The following MTHFD1 variants were observed in gnomAD, a reference collection of about 807,000 sequenced individuals.
The protein encoded by MTHFD1 is methylenetetrahydrofolate dehydrogenase, cyclohydrolase and formyltetrahydrofolate synthetase 1, also known as C-1-tetrahydrofolate synthase, cytoplasmic.
In MTHFD1, 44 loss-of-function variants were observed where a neutral mutation model predicts 110.3. The ratio of observed to expected loss-of-function variants is 0.40; its 90% CI spans 0.31 to 0.51. The LOEUF (loss-of-function observed/expected upper bound fraction) is 0.51, where lower values mean the gene tolerates loss of function less well. Ranked by LOEUF, MTHFD1 falls within the 20% of genes least tolerant of loss-of-function variation. MTHFD1 has a pLI of 0.60. For synonymous variants in MTHFD1, 402 were observed against 428.8 expected, an observed-to-expected ratio of 0.94 and a Z score of 0.77; for missense variants, 909 against 1,173.1, an observed-to-expected ratio of 0.77 and a Z score of 3.29.
rs1456143398 is a variant in MTHFD1 at position 64,439,172 on chromosome 14, G to A, written c.1674G>A (p.Thr558=). ...QAPTEKGHTR[T]AQFDISVASE... The stretch of plus-strand genomic sequence containing the variant: ...CAACGGAGAAGGGTCACACACGGAC[G>A]GTAACAATTTGTCCCTTTCCAAGGA... The change falls in exon 17 of 28, where the codon ACG becomes ACA. Residue 558 remains threonine (T), a splice_region_variant and synonymous_variant. Transcript: ENST00000652337. 7 of 1,612,070 alleles carry A rather than the reference G, an allele frequency of 4.3e-6. No homozygotes were observed. Among genetic ancestry groups the A allele is most frequent in the Admixed American group, 3.3e-5 (2 of 59,972 alleles).
At position 64,400,889 on chromosome 14, in the gene MTHFD1, G is replaced by A. The variant is rs1370167736; in HGVS notation, c.126+12G>A. 1 of 1,569,894 alleles carries A rather than the reference G, an allele frequency of 6.4e-7. No homozygotes were observed. Among genetic ancestry groups the A allele is most frequent in the South Asian group, 1.1e-5 (1 of 89,492 alleles). On this transcript the variant is annotated intron_variant, in intron 2 of 27. Coordinates refer to ENST00000652337, the MANE Select transcript of MTHFD1 (RefSeq NM_005956.4). ...TGGCAATATTACAGGTATTATGATA[G>A]TGTATTTTCATTAATGTTGTCTTTG...
Position 64,388,454 on chromosome 14 carries a change from G to T in MTHFD1, c.27G>T (p.Gly9=). The change falls in exon 1 of 28, where the codon GGG becomes GGT. Residue 9 remains glycine (G), a synonymous_variant. Transcript: ENST00000652337. MAPAEILN[G]KEISAQIRAR... Reference sequence around the variant, plus strand: ...TGGCGCCAGCAGAAATCCTGAACGGGAAGGAGATCTCCGCGTAAGCACCTG... The same window carrying T: ...TGGCGCCAGCAGAAATCCTGAACGGTAAGGAGATCTCCGCGTAAGCACCTG... The T allele has an allele frequency of 6.2e-7, 1 of 1,613,990 alleles. No individual in the cohort carries two copies. Among genetic ancestry groups the T allele is most frequent in the Non-Finnish European group, 8.5e-7 (1 of 1,180,000 alleles).
At chr14:64,411,172 A>G (rs781332569) in intron 3 of MTHFD1, 23 bp downstream of exon 3, 12 of 1,600,576 alleles carry the variant, frequency 7.5e-6, no homozygotes, top group Non-Finnish European at 1.0e-5. Context: ...GAGCTGTGCC[A>G]TCACCCTCCC....
chr14:64,458,166 C>A, intron 26 of MTHFD1, 48 bp from the exon 27 acceptor site: 1 of 1,411,386 alleles, frequency 7.1e-7, no homozygotes, highest in Non-Finnish European at 1.0e-6. Flanking sequence ...TAGGCGTGAG[C>A]CACTGTGCCC....
At chr14:64,448,387 T>C in intron 23 of MTHFD1, 70 bp downstream of exon 23, 1 of 1,199,962 alleles carries the variant, frequency 8.3e-7, no homozygotes, top group Non-Finnish European at 1.2e-6. Context: ...CAGCACTGCT[T>C]TTAGCTTTAT....
intron 1 of MTHFD1, among the ~76,000 whole-genome samples, chr14:64,399,733 T>G (rs545130478): frequency 4.3e-4 from 65 of 152,116 alleles, no homozygotes; most frequent in Non-Finnish European, 8.8e-4. Context: ...GGGAAGTTCC[T>G]GTACATATTA....
chr14:64,455,772 C>T lies in MTHFD1; in HGVS notation c.2718+897C>T, dbSNP rs559289368. On this transcript the variant is annotated intron_variant, in intron 26 of 27. Transcript: ENST00000652337. ...GACATTAGAGCTGAATTCATTTTCA[C>T]CTCTTCAGATCTTGGCCTTGGGCAA... 1.2e-4 allele frequency among the ~76,000 whole-genome samples: 18 copies of T among 152,318 alleles called. No homozygotes were observed. The East Asian group carries it at 3.3e-3, about 28-fold the overall frequency.
At chr14:64,397,031 G>A (rs1253406374) in intron 1 of MTHFD1, among the ~76,000 whole-genome samples, 2 of 132,482 alleles carry the variant, frequency 1.5e-5, no homozygotes, top group Non-Finnish European at 3.2e-5. Flanking sequence ...CTTGAACCCG[G>A]GAGGCGGAGC....
At chr14:64,453,400 C>T (rs1189896533) in intron 24 of MTHFD1, among the ~76,000 whole-genome samples, 1 of 151,936 alleles carries the variant, frequency 6.6e-6, no homozygotes, top group Non-Finnish European at 1.5e-5. Context: ...GGAGAAACTC[C>T]GTCTCTACTA....
At chr14:64,410,709 T>G (rs552588686) in intron 2 of MTHFD1, among the ~76,000 whole-genome samples, 5 of 152,324 alleles carry the variant, frequency 3.3e-5, no homozygotes, top group African/African-American at 9.6e-5. Context: ...CTCCTGCCTC[T>G]CAGGCATTTT....
Position 64,442,291 on chromosome 14 carries a change from T to C in MTHFD1, c.2025T>C (p.Ile675=), listed in dbSNP as rs373481537. 1 of 1,614,096 alleles carries C rather than the reference T, an allele frequency of 6.2e-7. No individual in the cohort carries two copies. The highest frequency in any genetic ancestry group is 1.3e-5 in the African/African-American group (1 of 74,928). ...VVTEAGFGAD[I]GMEKFFNIKC... Reference sequence around the variant, plus strand: ...CGGAAGCAGGATTTGGAGCAGACATTGGAATGGAAAAGTTTTTTAACATCA... The same window carrying C: ...CGGAAGCAGGATTTGGAGCAGACATCGGAATGGAAAAGTTTTTTAACATCA... The change falls in exon 21 of 28, where the codon ATT becomes ATC. Residue 675 remains isoleucine (I), a synonymous_variant. Transcript: ENST00000652337.
At chr14:64,392,769 G>T (rs778862687) in intron 1 of MTHFD1, among the ~76,000 whole-genome samples, 5 of 152,150 alleles carry the variant, frequency 3.3e-5, no homozygotes, top group Non-Finnish European at 5.9e-5. Context: ...TACCTATAAA[G>T]CATTTAGAGA....
rs901578469 is a variant in MTHFD1, at chr14:64,433,488, T to G, written c.1494+1627T>G. Among the ~76,000 whole-genome samples, 2 of 152,178 alleles carry G rather than the reference T, an allele frequency of 1.3e-5. 1 individual carries two copies. Among genetic ancestry groups the G allele is most frequent in the South Asian group, 4.1e-4 (2 of 4,820 alleles). On this transcript the variant is annotated intron_variant, in intron 15 of 27. Transcript: ENST00000652337. ...GCTGGAGTGCCGTGGTGCAATCACATCTTACTACAGCCTCAACCTCCAGGA... is the reference window on the plus strand; with the variant it reads ...GCTGGAGTGCCGTGGTGCAATCACAGCTTACTACAGCCTCAACCTCCAGGA...
chr14:64,397,164 TATATATATATATATATATATATATATA>T lies in MTHFD1; in HGVS notation c.42-3627_42-3601del, dbSNP rs1405539751. ...ATATATATATATATATATATATATATATATATATATATATATATATATATATAAAAAACAGTAATCTATTGGGGCAGG... is the reference window on the plus strand; with the variant it reads ...ATATATATATATATATATATATATATAAAAACAGTAATCTATTGGGGCAGG... On this transcript the variant is annotated intron_variant, in intron 1 of 27. Transcript: ENST00000652337. 2.8e-3 allele frequency among the ~76,000 whole-genome samples: 44 copies of T among 15,754 alleles called. 2 individuals carry two copies. Among genetic ancestry groups the T allele is most frequent in the African/African-American group, 4.7e-3 (14 of 2,956 alleles). The allele number at this position is 15,754 out of a possible 152,430, so 10.3% of individuals were successfully genotyped here. A position where few individuals can be genotyped will look rare whatever the true frequency, so the allele number is the denominator to read the frequency against.
intron 12 of MTHFD1, among the ~76,000 whole-genome samples, chr14:64,428,901 C>T (rs1295137546): frequency 1.3e-5 from 2 of 152,126 alleles, no homozygotes; most frequent in Admixed American, 6.6e-5. Flanking sequence ...TGCTCTTGAG[C>T]TTGTCTTAAC....
rs147297300 is a variant in MTHFD1 at position 64,433,414 on chromosome 14, C to T, written c.1494+1553C>T. 2.2e-3 allele frequency among the ~76,000 whole-genome samples: 336 copies of T among 151,630 alleles called. 2 individuals carry two copies. The highest frequency in any genetic ancestry group is 7.8e-3 in the African/African-American group (321 of 41,368). ...GATTACAGGCGTGAGCCACTGTACC[C>T]GGCCTGTTTGTTTATGTTTTTGAGA... On this transcript the variant is annotated intron_variant, in intron 15 of 27. Transcript: ENST00000652337.
intron 4 of MTHFD1, 100 bp downstream of exon 4, chr14:64,412,625 C>A: frequency 3.9e-6 from 3 of 775,820 alleles, no homozygotes; most frequent in African/African-American, 1.9e-5. Context: ...TTAGCCAAGA[C>A]CTCCAGGTAT....
intron 18 of MTHFD1, 34 bp from the exon 19 acceptor site, chr14:64,441,351 G>A: frequency 3.7e-6 from 6 of 1,607,462 alleles, no homozygotes; most frequent in Non-Finnish European, 5.1e-6. Context: ...TTTTTTGCTG[G>A]TGGGAGTTGA....
rs564110675 is a variant in MTHFD1, at chr14:64,414,656, A to ATT, written c.241-685_241-684dup. Among the ~76,000 whole-genome samples, 208 of 124,046 alleles carry ATT rather than the reference A, an allele frequency of 1.7e-3. 9 individuals are homozygous for ATT. In the East Asian group the frequency reaches 0.035, roughly 21 times the overall value. 81.4% of individuals were successfully genotyped at this position (124,046 alleles called of 152,430 possible). On this transcript the variant is annotated intron_variant, in intron 4 of 27. Transcript: ENST00000652337. ...GTGTGAGCCACCACACCCAGCCCTAATTTTTTTTTTTTTTTTTTGAGGTGG... is the reference window on the plus strand; with the variant it reads ...GTGTGAGCCACCACACCCAGCCCTAATTTTTTTTTTTTTTTTTTTTGAGGTGG...
Sources: gnomAD v4.1 joint callset for allele counts (sites outside exome capture counted in the v4.1 genomes callset) on GRCh38, gnomAD v4.1.1 for gene constraint, MANE v1.5 for transcripts, NCBI Gene and HGNC (gene_info 2026-07-23, HGNC 2026-07-21) for gene names.